Variants in ZDHHC7 observed in about 807,000 individuals in gnomAD.
ZDHHC7 encodes zDHHC palmitoyltransferase 7.
In ZDHHC7, 12 loss-of-function variants were observed where a neutral mutation model predicts 34.1. The observed-to-expected ratio is 0.35, with a 90% CI of 0.23 to 0.57. The LOEUF (loss-of-function observed/expected upper bound fraction) is 0.57. ZDHHC7 is among the 20% of genes least tolerant of loss of function. ZDHHC7 has a pLI of 0.84. For synonymous variants in ZDHHC7, 185 were observed against 155.4 expected (o/e 1.19, Z -1.42); for missense variants, 388 against 402.7 (o/e 0.96, Z 0.31).
At chr16:84,987,503 T>C (rs1424150587) in intron 3 of ZDHHC7, among the ~76,000 whole-genome samples, 1 of 152,076 alleles carries the variant, frequency 6.6e-6, no homozygotes, top group African/African-American at 2.4e-5. Flanking sequence ...ATTTTCTTTT[T>C]TTTCCCCCAG....
At chr16:85,016,920 G>C in the ZDHHC7 span, among the ~76,000 whole-genome samples, 1 of 150,346 alleles carries the variant, frequency 6.7e-6, no homozygotes, top group Non-Finnish European at 1.5e-5. Flanking sequence ...TAAAATATGA[G>C]ATTAGACTTG....
the ZDHHC7 span, among the ~76,000 whole-genome samples, chr16:85,017,092 C>G: frequency 6.6e-6 from 1 of 152,160 alleles, no homozygotes. Context: ...AGGCATGAGC[C>G]ACCGCACCGG....
At chr16:85,003,348 G>A (rs2072676971) in intron 1 of ZDHHC7, among the ~76,000 whole-genome samples, 1 of 152,194 alleles carries the variant, frequency 6.6e-6, no homozygotes, top group African/African-American at 2.4e-5. Flanking sequence ...GATGAGTCAG[G>A]GAACCTGAGT....
At chr16:84,992,242 G>A (rs570355959) in intron 2 of ZDHHC7, among the ~76,000 whole-genome samples, 2 of 152,050 alleles carry the variant, frequency 1.3e-5, no homozygotes, top group South Asian at 4.2e-4. Flanking sequence ...GGCAGAGGCC[G>A]GTGGATCACG....
In ZDHHC7 at chr16:84,974,473, A is replaced by G. The variant is rs2072268658; in HGVS notation, c.*1870T>C. ...CTTTGGAAGCCATTTGAGAACTGTT[A>G]ATTGATTACTTTATTTCATATAAAA... is the stretch of plus-strand genomic sequence containing the variant. On this transcript the variant is annotated 3_prime_UTR_variant, in exon 8 of 8. Coordinates refer to ENST00000313732, the MANE Select transcript of ZDHHC7 (RefSeq NM_017740.3). 6.6e-6 allele frequency: 1 copy of G among 152,298 alleles called. No homozygotes were observed. The highest frequency in any genetic ancestry group is 1.5e-5 in the Non-Finnish European group (1 of 68,040). 9.4% of individuals were successfully genotyped at this position (152,298 alleles called of 1,614,324 possible).
In ZDHHC7 at chr16:84,974,400, C is replaced by T. The variant is rs1445317679; in HGVS notation, c.*1943G>A. 2.6e-5 allele frequency: 4 copies of T among 152,162 alleles called. No individual in the cohort carries two copies. Among genetic ancestry groups the T allele is most frequent in the Non-Finnish European group, 2.9e-5 (2 of 68,024 alleles). The allele number at this position is 152,162 out of a possible 1,614,324, so 9.4% of individuals were successfully genotyped here. ...ACAGCCTGGGGCTGGGCCCACGAAG[C>T]ACGGAAAGGCACCCCCTGAAAACAC... On this transcript the variant is annotated 3_prime_UTR_variant, in exon 8 of 8. Coordinates refer to ENST00000313732, the MANE Select transcript of ZDHHC7 (RefSeq NM_017740.3).
At chr16:85,018,902 G>C in the ZDHHC7 span, among the ~76,000 whole-genome samples, 1 of 152,156 alleles carries the variant, frequency 6.6e-6, no homozygotes, top group African/African-American at 2.4e-5. Context: ...GCCATGCTAG[G>C]AAAGCCAGAA....
chr16:85,022,042 C>T, the ZDHHC7 span, among the ~76,000 whole-genome samples: 1 of 151,144 alleles, frequency 6.6e-6, no homozygotes, highest in Non-Finnish European at 1.5e-5. Context: ...CGCCTGTAGT[C>T]CCAGCTACTC....
rs1478322288 is a variant in ZDHHC7 at position 84,979,173 on chromosome 16, A to C, written c.537+16T>G. The C allele has an allele frequency of 1.3e-6, 2 of 1,582,926 alleles. No individual in the cohort carries two copies. Among genetic ancestry groups the C allele is most frequent in the Non-Finnish European group, 1.7e-6 (2 of 1,169,422 alleles). On this transcript the variant is annotated intron_variant, in intron 5 of 7. Coordinates refer to ENST00000313732, the MANE Select transcript of ZDHHC7 (RefSeq NM_017740.3). ...CAAATTCAATGTAAATTCAATACAA[A>C]AATATTTTTACTTACAGTGAAGAGC...
intron 1 of ZDHHC7, among the ~76,000 whole-genome samples, chr16:85,003,530 GAA>G: frequency 6.6e-6 from 1 of 152,166 alleles, no homozygotes; most frequent in Admixed American, 6.5e-5. Context: ...CCTACCATAG[GAA>G]ATGATGCTCT....
At chr16:85,006,193 CA>C (rs1483888830) in intron 1 of ZDHHC7, among the ~76,000 whole-genome samples, 6 of 151,622 alleles carry the variant, frequency 4.0e-5, no homozygotes, top group Admixed American at 2.6e-4. Flanking sequence ...CCTATCTCTA[CA>C]AAAAAAATTT....
Position 84,985,047 on chromosome 16 carries a change from CG to C in ZDHHC7, c.316-3054del, listed in dbSNP as rs553136277. Among the ~76,000 whole-genome samples, 505 of 152,328 alleles carry C rather than the reference CG, an allele frequency of 3.3e-3. 3 individuals carry two copies. Among genetic ancestry groups the C allele is most frequent in the African/African-American group, 0.01 (427 of 41,578 alleles). ...GTTCCCATTTTAACCATTTTCGGGA[CG>C]TTTTTTTCTAAAACACTTCTTGAAT... On this transcript the variant is annotated intron_variant, in intron 3 of 7. Coordinates refer to ENST00000313732, the MANE Select transcript of ZDHHC7 (RefSeq NM_017740.3).
chr16:84,996,767 G>A (rs894615859), intron 1 of ZDHHC7, among the ~76,000 whole-genome samples: 4 of 152,056 alleles, frequency 2.6e-5, no homozygotes, highest in Non-Finnish European at 4.4e-5. Context: ...GGTGGCTCAC[G>A]CCTGTAATCC....
chr16:85,006,643 G>C (rs952927436), intron 1 of ZDHHC7, among the ~76,000 whole-genome samples: 1 of 152,268 alleles, frequency 6.6e-6, no homozygotes, highest in East Asian at 1.9e-4. Context: ...AGGAGGCTAA[G>C]GTGGGAGGAT....
chr16:85,015,100 GTTT>G (rs535398788), upstream of ZDHHC7, among the ~76,000 whole-genome samples: 4 of 141,252 alleles, frequency 2.8e-5, no homozygotes, highest in Non-Finnish European at 6.2e-5. Context: ...GAGTTTTGTT[GTTT>G]TTTTTTTTTT....
intron 2 of ZDHHC7, among the ~76,000 whole-genome samples, chr16:84,993,919 G>T (rs916874442): frequency 3.3e-5 from 5 of 152,200 alleles, no homozygotes; most frequent in Admixed American, 6.5e-5. Context: ...CTTCTGAGGA[G>T]CACTTTGCGA....
At chr16:85,008,752 A>G (rs1286675538) in intron 1 of ZDHHC7, among the ~76,000 whole-genome samples, 2 of 76,012 alleles carry the variant, frequency 2.6e-5, no homozygotes, top group East Asian at 2.8e-4. Flanking sequence ...GGGTTTGAAG[A>G]AAAAAAAAAA....
chr16:85,008,503 C>CCA (rs1273604938), intron 1 of ZDHHC7, among the ~76,000 whole-genome samples: 24 of 95,714 alleles, frequency 2.5e-4, no homozygotes, highest in Admixed American at 6.8e-4. Context: ...ACCACCTACA[C>CCA]CCCCCCCCAA....
chr16:85,017,221 C>A, the ZDHHC7 span, among the ~76,000 whole-genome samples: 1 of 152,176 alleles, frequency 6.6e-6, no homozygotes, highest in Non-Finnish European at 1.5e-5. Context: ...TGGCAAAACA[C>A]TGAACATACT....
Sources: allele counts gnomAD v4.1 joint callset (sites outside exome capture counted in the v4.1 genomes callset), GRCh38; gene constraint gnomAD v4.1.1; transcripts MANE v1.5; gene names NCBI Gene and HGNC (gene_info 2026-07-23, HGNC 2026-07-21).